OR52N4: variants seen among roughly 807,000 people sequenced by gnomAD.
OR52N4 encodes olfactory receptor family 52 subfamily N member 4, also known as olfactory receptor 52N4.
Under a neutral mutation model 15.0 loss-of-function variants are expected in OR52N4, and 15 were observed. That is an observed-to-expected ratio of 1.00 (90% confidence interval 0.67 to 1.54). OR52N4 has a LOEUF of 1.54. OR52N4 is among the 40% of genes most tolerant of loss of function. OR52N4 has a pLI of 0.00. For missense variants in OR52N4, 421 were observed against 394.0 expected, an observed-to-expected ratio of 1.07 and a Z score of -0.58; for synonymous variants, 143 against 143.7, an observed-to-expected ratio of 1.00 and a Z score of 0.03.
chr11:5,731,137 C>T, the OR52N4 span, among the ~76,000 whole-genome samples: 1 of 152,104 alleles, frequency 6.6e-6, no homozygotes, highest in Non-Finnish European at 1.5e-5. Context: ...TAAAAACTTT[C>T]AGGAAGAATC....
At chr11:5,733,731 G>A in the OR52N4 span, among the ~76,000 whole-genome samples, 1 of 152,040 alleles carries the variant, frequency 6.6e-6, no homozygotes, top group Non-Finnish European at 1.5e-5. Context: ...AACACAGACA[G>A]AACTAAATAT....
At chr11:5,739,095 C>A in the OR52N4 span, among the ~76,000 whole-genome samples, 2 of 126,222 alleles carry the variant, frequency 1.6e-5, 1 homozygote, top group South Asian at 5.4e-4. Context: ...CAATTTTTTT[C>A]ATTTAAAAAT....
the OR52N4 span, chr11:5,737,404 C>T: frequency 6.2e-7 from 1 of 1,614,096 alleles, no homozygotes; most frequent in Non-Finnish European, 8.5e-7. Flanking sequence ...CTTCCCTCAA[C>T]CCTACAGTTT....
chr11:5,748,604 T>A, the OR52N4 span, among the ~76,000 whole-genome samples: 1 of 151,934 alleles, frequency 6.6e-6, no homozygotes, highest in African/African-American at 2.4e-5. Flanking sequence ...CCAGGGGCCA[T>A]ATTTGCATAG....
upstream of OR52N4, among the ~76,000 whole-genome samples, chr11:5,751,447 T>G (rs1256552173): frequency 6.6e-6 from 1 of 152,028 alleles, no homozygotes; most frequent in Non-Finnish European, 1.5e-5. Flanking sequence ...TAAGTAAAAC[T>G]TTCTCTTTTT....
upstream of OR52N4, among the ~76,000 whole-genome samples, chr11:5,749,303 T>A (rs1854141129): frequency 6.6e-6 from 1 of 152,000 alleles, no homozygotes; most frequent in African/African-American, 2.4e-5. Context: ...TTTGGGTATA[T>A]CTCAGTTGTT....
At chr11:5,735,695 C>T in the OR52N4 span, among the ~76,000 whole-genome samples, 1 of 152,100 alleles carries the variant, frequency 6.6e-6, no homozygotes, top group African/African-American at 2.4e-5. Context: ...AAATGGATAA[C>T]AACAAAGTTG....
chr11:5,736,530 CT>C, the OR52N4 span: 1 of 1,613,326 alleles, frequency 6.2e-7, no homozygotes, highest in Non-Finnish European at 8.5e-7. Flanking sequence ...AATCATATGT[CT>C]GCATCTCTCA....
At chr11:5,744,058 G>T in the OR52N4 span, among the ~76,000 whole-genome samples, 1 of 152,064 alleles carries the variant, frequency 6.6e-6, no homozygotes, top group African/African-American at 2.4e-5. Flanking sequence ...TGATGCCACA[G>T]AAATATAAAA....
the OR52N4 span, among the ~76,000 whole-genome samples, chr11:5,745,638 G>A: frequency 3.9e-5 from 6 of 152,040 alleles, no homozygotes; most frequent in East Asian, 1.2e-3. Flanking sequence ...AATCTACACA[G>A]TCAATGTGAT....
At chr11:5,748,573 T>TA in the OR52N4 span, among the ~76,000 whole-genome samples, 6 of 151,958 alleles carry the variant, frequency 3.9e-5, 1 homozygote, top group Non-Finnish European at 7.4e-5. Context: ...AAAATTTTAT[T>TA]AAAAAAATAA....
chr11:5,732,217 A>G, the OR52N4 span, among the ~76,000 whole-genome samples: 1 of 152,156 alleles, frequency 6.6e-6, no homozygotes. Context: ...CCTTTTCAGC[A>G]TCTGGTAACC....
the OR52N4 span, chr11:5,737,361 T>G: frequency 6.2e-7 from 1 of 1,614,134 alleles, no homozygotes; most frequent in Non-Finnish European, 8.5e-7. Context: ...TTGATTCCAG[T>G]TCTACTTAAT....
the OR52N4 span, chr11:5,736,518 T>G: frequency 6.2e-7 from 1 of 1,613,216 alleles, no homozygotes; most frequent in Non-Finnish European, 8.5e-7. Context: ...TGTTGAATCA[T>G]GAATCATATG....
the OR52N4 span, among the ~76,000 whole-genome samples, chr11:5,739,800 G>A: frequency 7.8e-6 from 1 of 128,088 alleles, no homozygotes; most frequent in African/African-American, 2.8e-5. Flanking sequence ...CAAAGCTCAT[G>A]CTTCCCTTGG....
At chr11:5,749,706 A>C (rs542827505), upstream of OR52N4, among the ~76,000 whole-genome samples, 1 of 152,060 alleles carries the variant, frequency 6.6e-6, no homozygotes, top group South Asian at 2.1e-4. Context: ...ACACGGAGCA[A>C]GCAACCCTCA....
the OR52N4 span, among the ~76,000 whole-genome samples, chr11:5,745,502 G>A: frequency 6.6e-6 from 1 of 152,028 alleles, no homozygotes; most frequent in African/African-American, 2.4e-5. Flanking sequence ...GCTGGTGAAA[G>A]ATCTCTACAA....
the OR52N4 span, chr11:5,736,453 TG>T: frequency 7.3e-7 from 1 of 1,376,562 alleles, no homozygotes; most frequent in Non-Finnish European, 1.0e-6. Flanking sequence ...TTTATTTCTG[TG>T]GTGGTTCCAA....
the OR52N4 span, among the ~76,000 whole-genome samples, chr11:5,735,201 T>C: frequency 1.3e-5 from 2 of 152,084 alleles, no homozygotes; most frequent in South Asian, 4.1e-4. Context: ...GGCAAAAATA[T>C]TGGAAATAAA....
Sources: gnomAD v4.1 joint callset for allele counts (sites outside exome capture counted in the v4.1 genomes callset) on GRCh38, gnomAD v4.1.1 for gene constraint, MANE v1.5 for transcripts, NCBI Gene and HGNC (gene_info 2026-07-23, HGNC 2026-07-21) for gene names.